Variants in TLCD4 observed in about 807,000 individuals in gnomAD.
TLCD4 encodes the protein TLC domain containing 4.
TLCD4 carries 7 observed loss-of-function variants against 24.2 expected under a neutral mutation model. The observed-to-expected ratio is 0.29, with a 90% CI of 0.16 to 0.54. The LOEUF is 0.54. TLCD4 is among the 20% of genes least tolerant of loss of function. The probability of loss-of-function intolerance (pLI) is 0.95; values close to 1 mark genes in which losing one functional copy is unlikely to be tolerated. For missense variants in TLCD4, 259 were observed against 313.9 expected (o/e 0.82, Z 1.32); for synonymous variants, 103 against 106.4 (o/e 0.97, Z 0.20).
rs557586561 is a variant in TLCD4, at chr1:95,196,272, A to G, written c.*4404A>G. Reference sequence around the variant, plus strand: ...TATCTAAATGTTCTTTTTAGACCCCATGACAGGAGCACAGAGGAACTGAGA... The same window carrying G: ...TATCTAAATGTTCTTTTTAGACCCCGTGACAGGAGCACAGAGGAACTGAGA... On this transcript the variant is annotated 3_prime_UTR_variant, in exon 7 of 7. Transcript: ENST00000370203. The G allele has an allele frequency of 9.2e-5, 14 of 152,336 alleles. No homozygotes were observed. The East Asian group carries it at 2.5e-3, about 27-fold the overall frequency. The allele number at this position is 152,336 out of a possible 1,614,324, so 9.4% of individuals were successfully genotyped here.
chr1:95,120,822 TTC>T (rs1307991767), intron 1 of TLCD4, among the ~76,000 whole-genome samples: 1 of 152,228 alleles, frequency 6.6e-6, no homozygotes, highest in African/African-American at 2.4e-5. Flanking sequence ...TCTATTGAAT[TTC>T]TGTTTCTAGT....
intron 1 of TLCD4, among the ~76,000 whole-genome samples, chr1:95,119,594 T>C (rs945107807): frequency 6.6e-6 from 1 of 152,170 alleles, no homozygotes; most frequent in Non-Finnish European, 1.5e-5. Flanking sequence ...ACCTGAGGTT[T>C]GATGGGCCCT....
At chr1:95,124,524 A>G (rs1389597989) in intron 1 of TLCD4, among the ~76,000 whole-genome samples, 3 of 152,156 alleles carry the variant, frequency 2.0e-5, no homozygotes, top group African/African-American at 4.8e-5. Flanking sequence ...GCCATCTCAT[A>G]TCATGTTGCC....
chr1:95,092,701 C>G, the TLCD4 span, among the ~76,000 whole-genome samples: 5 of 151,924 alleles, frequency 3.3e-5, no homozygotes, highest in African/African-American at 1.2e-4. Context: ...AAGGAACAAA[C>G]TCCAGACGCG....
chr1:95,167,165 C>A (rs1368902421), intron 5 of TLCD4, among the ~76,000 whole-genome samples: 1 of 151,916 alleles, frequency 6.6e-6, no homozygotes, highest in African/African-American at 2.4e-5. Context: ...TGGCATTGTG[C>A]CCATTTTACA....
At chr1:95,139,740 G>A (rs1180055993) in intron 1 of TLCD4, among the ~76,000 whole-genome samples, 3 of 151,930 alleles carry the variant, frequency 2.0e-5, no homozygotes, top group Admixed American at 6.6e-5. Flanking sequence ...GATTACAGGC[G>A]TGAGCCACTG....
the TLCD4 span, among the ~76,000 whole-genome samples, chr1:95,094,927 A>G: frequency 2.0e-5 from 3 of 152,212 alleles, no homozygotes; most frequent in Admixed American, 1.3e-4. Flanking sequence ...CAGGCTTTCT[A>G]CTTACTTGTG....
chr1:95,150,193 T>C lies in TLCD4; in HGVS notation c.246-15T>C. 1 of 570,798 alleles carries C rather than the reference T, an allele frequency of 1.8e-6. No homozygotes were observed. The highest frequency in any genetic ancestry group is 2.6e-6 in the Non-Finnish European group (1 of 389,978). 35.4% of individuals were successfully genotyped at this position (570,798 alleles called of 1,614,324 possible). ...AATCTATATACTTTAAAAAGGAACC[T>C]TTTTTTTTTTTCAGGGGTGGTCCAT... On this transcript the variant is annotated splice_polypyrimidine_tract_variant and intron_variant, in intron 3 of 6. Transcript: ENST00000370203.
intron 5 of TLCD4, among the ~76,000 whole-genome samples, chr1:95,168,788 G>A (rs1678110595): frequency 1.3e-5 from 2 of 152,122 alleles, no homozygotes; most frequent in Non-Finnish European, 1.5e-5. Flanking sequence ...AGAAGGCAAG[G>A]TTCAACTCAG....
the TLCD4 span, among the ~76,000 whole-genome samples, chr1:95,106,472 G>T: frequency 1.3e-5 from 2 of 152,090 alleles, no homozygotes; most frequent in African/African-American, 4.8e-5. Context: ...AGGCCGAGGC[G>T]GGTGGATTGC....
In TLCD4 at chr1:95,193,208, G is replaced by C. The variant is rs566766943; in HGVS notation, c.*1340G>C. The stretch of plus-strand genomic sequence containing the variant: ...CCGTGCTTACTTAGTTGGCATTTTA[G>C]TGCTTTGAATTTCTATCTTAAAGCA... On this transcript the variant is annotated 3_prime_UTR_variant, in exon 7 of 7. Transcript: ENST00000370203. The C allele has an allele frequency of 4.6e-4, 70 of 151,818 alleles. No homozygotes were observed. The highest frequency in any genetic ancestry group is 1.6e-3 in the African/African-American group (68 of 41,420). The allele number at this position is 151,818 out of a possible 1,614,324, so 9.4% of individuals were successfully genotyped here. A position where few individuals can be genotyped will look rare whatever the true frequency, so the allele number is the denominator to read the frequency against.
chr1:95,140,552 C>T (rs1677172229), intron 1 of TLCD4: 1 of 152,202 alleles, frequency 6.6e-6, no homozygotes, highest in African/African-American at 2.4e-5. Context: ...CAACAGGTCT[C>T]TGGAAAAGTT....
At chr1:95,100,160 T>TA in the TLCD4 span, among the ~76,000 whole-genome samples, 23 of 151,854 alleles carry the variant, frequency 1.5e-4, no homozygotes, top group East Asian at 3.1e-3. Flanking sequence ...TTCACAAACG[T>TA]AAAAAAATCT....
intron 6 of TLCD4, among the ~76,000 whole-genome samples, chr1:95,182,746 A>G (rs1411801334): frequency 1.3e-5 from 2 of 152,200 alleles, no homozygotes; most frequent in African/African-American, 4.8e-5. Context: ...TCCATAAACC[A>G]CATTTTAAGA....
intron 5 of TLCD4, among the ~76,000 whole-genome samples, chr1:95,161,164 A>G (rs1677786480): frequency 1.3e-5 from 2 of 152,144 alleles, no homozygotes; most frequent in African/African-American, 4.8e-5. Context: ...GCTATTAATT[A>G]TTGCCTCAAT....
intron 6 of TLCD4, among the ~76,000 whole-genome samples, chr1:95,177,776 CACTTA>C (rs1390216249): frequency 2.6e-5 from 4 of 151,970 alleles, no homozygotes; most frequent in Non-Finnish European, 4.4e-5. Context: ...ATTCCTGGGT[CACTTA>C]CCATAAGCAA....
chr1:95,185,534 C>A (rs1678801599), intron 6 of TLCD4, among the ~76,000 whole-genome samples: 1 of 152,178 alleles, frequency 6.6e-6, no homozygotes, highest in Non-Finnish European at 1.5e-5. Flanking sequence ...CCAACTTCGT[C>A]ACCTCTTCCA....
chr1:95,135,078 A>G (rs1395432584), intron 1 of TLCD4, among the ~76,000 whole-genome samples: 1 of 152,192 alleles, frequency 6.6e-6, no homozygotes, highest in Non-Finnish European at 1.5e-5. Context: ...TGGTGTATAT[A>G]CTTAACATTT....
At chr1:95,122,242 C>T (rs529711085) in intron 1 of TLCD4, among the ~76,000 whole-genome samples, 30 of 152,288 alleles carry the variant, frequency 2.0e-4, no homozygotes, top group African/African-American at 7.2e-4. Context: ...TGCCTGTAGT[C>T]CCAGCTATTC....
Sources: allele counts gnomAD v4.1 joint callset (sites outside exome capture counted in the v4.1 genomes callset), GRCh38; gene constraint gnomAD v4.1.1; transcripts MANE v1.5; gene names NCBI Gene and HGNC (gene_info 2026-07-23, HGNC 2026-07-21).